Variants in PCDHA12 observed in about 807,000 individuals in gnomAD.
The protein encoded by PCDHA12 is protocadherin alpha-12.
PCDHA12 carries 44 observed loss-of-function variants against 60.0 expected under a neutral mutation model. That is an observed-to-expected ratio of 0.73 (90% CI 0.58 to 0.94). The LOEUF is 0.94. Among genes scored for constraint, PCDHA12 ranks in the 40% least tolerant of loss-of-function variants. The pLI is 0.00. For synonymous variants in PCDHA12, 569 were observed against 553.0 expected, an observed-to-expected ratio of 1.03 and a Z score of -0.40; for missense variants, 1,276 against 1,239.7, an observed-to-expected ratio of 1.03 and a Z score of -0.44.
At chr5:140,928,932 G>T in intron 1 of PCDHA12, 5 of 1,614,108 alleles carry the variant, frequency 3.1e-6, no homozygotes, top group Non-Finnish European at 2.5e-6. Flanking sequence ...TTTCTGCCCA[G>T]AACTTGTATT....
intron 3 of PCDHA12, among the ~76,000 whole-genome samples, chr5:140,987,098 C>A (rs2153859479): frequency 6.6e-6 from 1 of 151,952 alleles, no homozygotes; most frequent in Admixed American, 6.6e-5. Flanking sequence ...CCTGTAATCC[C>A]AGCTACTCGG....
At position 140,928,212 on chromosome 5, in the gene PCDHA12, C is replaced by G. The variant is rs1388758279; in HGVS notation, c.2367+50373C>G. The G allele has an allele frequency of 2.5e-6, 4 of 1,614,106 alleles. No individual in the cohort carries two copies. The African/African-American group carries it at 5.3e-5, about 22-fold the overall frequency. On this transcript the variant is annotated intron_variant, in intron 1 of 3. Coordinates refer to ENST00000398631, the MANE Select transcript of PCDHA12 (RefSeq NM_018903.4). Reference sequence around the variant, plus strand: ...CTGTGTCAGTTGCTGATGTGAATGACAATACACCAAACTTTCCTCAACCCC... The same window carrying G: ...CTGTGTCAGTTGCTGATGTGAATGAGAATACACCAAACTTTCCTCAACCCC...
At chr5:140,903,313 C>G (rs974760383) in intron 1 of PCDHA12, among the ~76,000 whole-genome samples, 2 of 152,088 alleles carry the variant, frequency 1.3e-5, no homozygotes, top group South Asian at 4.1e-4. Context: ...ACAATAAAGA[C>G]AGCATTTTTA....
rs2153793513 is a variant in PCDHA12, at chr5:140,972,346, C to T, written c.2368-6603C>T. Among the ~76,000 whole-genome samples, 6 of 151,468 alleles carry T rather than the reference C, an allele frequency of 4.0e-5. No homozygotes were observed. In the Middle Eastern group the frequency reaches 0.014, roughly 346 times the overall value. The stretch of plus-strand genomic sequence containing the variant: ...TTTTTTTTGGAAGAGATGGGGGTCT[C>T]ACTATGTTGCACATGCTGTTAGTAT... On this transcript the variant is annotated intron_variant, in intron 1 of 3. Transcript: ENST00000398631.
chr5:140,927,499 C>G (rs781977423), intron 1 of PCDHA12: 1 of 1,614,136 alleles, frequency 6.2e-7, no homozygotes, highest in Admixed American at 1.7e-5. Context: ...CCTGCTGGTG[C>G]TTACAGCTCG....
chr5:140,893,689 A>T (rs999117899), intron 1 of PCDHA12, among the ~76,000 whole-genome samples: 1 of 152,192 alleles, frequency 6.6e-6, no homozygotes, highest in Admixed American at 6.5e-5. Flanking sequence ...ATATCATCTC[A>T]TTCTATCCTA....
At chr5:140,967,727 G>C in intron 1 of PCDHA12, 2 of 1,614,148 alleles carry the variant, frequency 1.2e-6, no homozygotes, top group Non-Finnish European at 1.7e-6. Flanking sequence ...GCGAGTAATT[G>C]GGGGGCTGGA....
chr5:140,926,990 G>T (rs2083733718), intron 1 of PCDHA12: 1 of 1,611,558 alleles, frequency 6.2e-7, no homozygotes, highest in Admixed American at 1.7e-5. Flanking sequence ...ACGGAGCGGG[G>T]CGTAGCCGTA....
In PCDHA12 at chr5:141,009,945, A is replaced by C. The variant is rs2098415489; in HGVS notation, c.*8A>C. 5.0e-6 allele frequency: 8 copies of C among 1,596,112 alleles called. No homozygotes were observed. The highest frequency in any genetic ancestry group is 6.8e-6 in the Non-Finnish European group (8 of 1,173,736). On this transcript the variant is annotated 3_prime_UTR_variant, in exon 4 of 4. Coordinates refer to ENST00000398631, the MANE Select transcript of PCDHA12 (RefSeq NM_018903.4). ...GACAACAGTGACCAGTGAGGTCCTCAAATGGAAACAAGCCACTTAGCCAGT... is the reference window on the plus strand; with the variant it reads ...GACAACAGTGACCAGTGAGGTCCTCCAATGGAAACAAGCCACTTAGCCAGT...
intron 1 of PCDHA12, among the ~76,000 whole-genome samples, chr5:140,938,848 G>T (rs1554212426): frequency 6.6e-6 from 1 of 151,980 alleles, no homozygotes; most frequent in Non-Finnish European, 1.5e-5. Flanking sequence ...ACCTGCCCAT[G>T]TACCCCTGAA....
At chr5:140,968,644 G>C (rs1554230935) in intron 1 of PCDHA12, 3 of 1,614,046 alleles carry the variant, frequency 1.9e-6, no homozygotes, top group African/African-American at 2.7e-5. Context: ...ATCTAGCCCA[G>C]ACTTCTGACC....
In PCDHA12 at chr5:140,970,051, C is replaced by T. The variant is rs915260486; in HGVS notation, c.2368-8898C>T. 4.0e-5 allele frequency among the ~76,000 whole-genome samples: 6 copies of T among 151,880 alleles called. No individual in the cohort carries two copies. The South Asian group carries it at 1.2e-3, about 32-fold the overall frequency. On this transcript the variant is annotated intron_variant, in intron 1 of 3. Coordinates refer to ENST00000398631, the MANE Select transcript of PCDHA12 (RefSeq NM_018903.4). Reference sequence around the variant, plus strand: ...TTAAGTACCAATTTGTCTGGTTGGTCCAGGGAGGTATTAGAATGAGTGGAT... The same window carrying T: ...TTAAGTACCAATTTGTCTGGTTGGTTCAGGGAGGTATTAGAATGAGTGGAT...
intron 1 of PCDHA12, among the ~76,000 whole-genome samples, chr5:140,918,885 T>G (rs2078908612): frequency 6.6e-6 from 1 of 152,202 alleles, no homozygotes; most frequent in Non-Finnish European, 1.5e-5. Context: ...TCTAGAACAG[T>G]GAAAAATAAA....
chr5:140,954,102 A>G (rs2094980163), intron 1 of PCDHA12, among the ~76,000 whole-genome samples: 1 of 152,186 alleles, frequency 6.6e-6, no homozygotes, highest in South Asian at 2.1e-4. Flanking sequence ...TGTCCCTGCA[A>G]AGGACAAGAT....
chr5:140,875,698 G>T lies in PCDHA12; in HGVS notation c.226G>T (p.Glu76Ter). ...GTCCAAAAGACACGGGGACCTTCTG[G>T]AGGTAAATCTGCAGAATGGCATTTT... ...VASKRHGDLL[E>*]VNLQNGILFV... is the part of the protein sequence containing the mutation. The change falls in exon 1 of 4, where the codon GAG becomes TAG. Residue 76 changes from glutamate (E) to a stop codon, truncating the protein, a stop_gained. Transcript: ENST00000398631. LOFTEE classifies it high-confidence loss of function. 1 of 1,614,084 alleles carries T rather than the reference G, an allele frequency of 6.2e-7. No individual in the cohort carries two copies. Among genetic ancestry groups the T allele is most frequent in the Non-Finnish European group, 8.5e-7 (1 of 1,180,032 alleles).
chr5:140,928,068 C>T (rs1554205429), intron 1 of PCDHA12: 2 of 1,614,214 alleles, frequency 1.2e-6, no homozygotes, highest in Non-Finnish European at 1.7e-6. Context: ...CTTCCTTTGA[C>T]AACTACTACA....
chr5:140,928,904 G>T, intron 1 of PCDHA12: 1 of 1,614,180 alleles, frequency 6.2e-7, no homozygotes, highest in Non-Finnish European at 8.5e-7. Flanking sequence ...GAAGATGTCT[G>T]GGAACCAGGA....
At chr5:140,975,511 A>T (rs1236558069) in intron 1 of PCDHA12, among the ~76,000 whole-genome samples, 2 of 152,212 alleles carry the variant, frequency 1.3e-5, no homozygotes, top group African/African-American at 4.8e-5. Flanking sequence ...CACTATGCAA[A>T]ATCTGCAGTG....
intron 1 of PCDHA12, among the ~76,000 whole-genome samples, chr5:140,959,785 C>T (rs976645506): frequency 3.5e-4 from 53 of 152,280 alleles, no homozygotes; most frequent in African/African-American, 1.2e-3. Context: ...TGTATATTAA[C>T]ATGGCTAATT....
Sources: allele counts gnomAD v4.1 joint callset (sites outside exome capture counted in the v4.1 genomes callset), GRCh38; gene constraint gnomAD v4.1.1; transcripts MANE v1.5; gene names NCBI Gene and HGNC (gene_info 2026-07-23, HGNC 2026-07-21).